The following ARFGEF3 variants were observed in gnomAD, a reference collection of about 807,000 sequenced individuals.
ARFGEF3 encodes ARFGEF family member 3.
A neutral mutation model predicts 221.7 loss-of-function variants in ARFGEF3; 96 were observed. That is an observed-to-expected ratio of 0.43 (90% CI 0.37 to 0.51). The LOEUF (loss-of-function observed/expected upper bound fraction) is 0.51, where lower values mean the gene tolerates loss of function less well. Ranked by LOEUF, ARFGEF3 falls within the 20% of genes least tolerant of loss-of-function variation. The pLI is 0.00. For missense variants in ARFGEF3, 2,410 were observed against 2,789.9 expected (o/e 0.86, Z 3.07); for synonymous variants, 1,145 against 1,126.8 (o/e 1.02, Z -0.32).
intron 2 of ARFGEF3, among the ~76,000 whole-genome samples, chr6:138,187,043 G>A (rs757036113): frequency 6.7e-6 from 1 of 149,828 alleles, no homozygotes; most frequent in Non-Finnish European, 1.5e-5. Context: ...AGCCTCCTGA[G>A]TAGCTGGGAT....
chr6:138,219,845 G>A (rs887015678), intron 4 of ARFGEF3, among the ~76,000 whole-genome samples: 2 of 152,096 alleles, frequency 1.3e-5, no homozygotes, highest in African/African-American at 2.4e-5. Context: ...TTAAAGAAGT[G>A]CTAGTAGTTT....
intron 12 of ARFGEF3, 63 bp downstream of exon 12, chr6:138,263,674 G>T: frequency 7.2e-7 from 1 of 1,382,410 alleles, no homozygotes; most frequent in Non-Finnish European, 9.8e-7. Flanking sequence ...GCCTTAATGG[G>T]CAATTACTAT....
At chr6:138,272,980 T>A (rs945841187) in intron 12 of ARFGEF3, among the ~76,000 whole-genome samples, 1 of 152,188 alleles carries the variant, frequency 6.6e-6, no homozygotes, top group Non-Finnish European at 1.5e-5. Context: ...AGCATTAAGA[T>A]CAAATAAATC....
intron 10 of ARFGEF3, among the ~76,000 whole-genome samples, 193 bp from the exon 11 acceptor site, chr6:138,261,334 T>C (rs1778789664): frequency 6.6e-6 from 1 of 152,226 alleles, no homozygotes. Context: ...GCCAGGAGCC[T>C]GATACACACC....
chr6:138,292,169 T>G (rs77971687), intron 19 of ARFGEF3, 116 bp downstream of exon 19: 128 of 857,660 alleles, frequency 1.5e-4, no homozygotes, highest in African/African-American at 1.1e-3. Context: ...CTTAAATCTC[T>G]TCCATCTTTT....
chr6:138,241,679 G>A (rs1295080815), intron 6 of ARFGEF3, among the ~76,000 whole-genome samples: 4 of 152,158 alleles, frequency 2.6e-5, no homozygotes, highest in South Asian at 2.1e-4. Context: ...GACATCATGG[G>A]CCACCTCAAA....
intron 4 of ARFGEF3, among the ~76,000 whole-genome samples, chr6:138,227,083 T>C (rs547222366): frequency 6.6e-6 from 1 of 152,160 alleles, no homozygotes; most frequent in East Asian, 1.9e-4. Context: ...TCTTTGACTA[T>C]TGGTGGCCAG....
At chr6:138,302,912 T>C (rs1175411800) in intron 22 of ARFGEF3, among the ~76,000 whole-genome samples, 1 of 152,148 alleles carries the variant, frequency 6.6e-6, no homozygotes, top group Admixed American at 6.5e-5. Context: ...CTGAAAGAAA[T>C]AACACAGACT....
At chr6:138,241,829 T>C (rs1778397907) in intron 6 of ARFGEF3, among the ~76,000 whole-genome samples, 1 of 152,278 alleles carries the variant, frequency 6.6e-6, no homozygotes. Flanking sequence ...TTTTGTATCG[T>C]CACAAATCCT....
chr6:138,204,294 C>T (rs924047808), intron 2 of ARFGEF3, among the ~76,000 whole-genome samples: 11 of 144,400 alleles, frequency 7.6e-5, no homozygotes, highest in Admixed American at 2.9e-4. Flanking sequence ...GCCGAGATCG[C>T]GCCATTGCAC....
intron 12 of ARFGEF3, among the ~76,000 whole-genome samples, chr6:138,267,766 T>C (rs1200996881): frequency 2.6e-5 from 4 of 152,274 alleles, no homozygotes; most frequent in Non-Finnish European, 4.4e-5. Context: ...CAATAAATGT[T>C]GCAGACTGCC....
intron 2 of ARFGEF3, among the ~76,000 whole-genome samples, chr6:138,185,720 T>C (rs1459909201): frequency 6.6e-6 from 1 of 152,214 alleles, no homozygotes; most frequent in Non-Finnish European, 1.5e-5. Flanking sequence ...AGCATGCAGA[T>C]GCATATTAGA....
Position 138,286,829 on chromosome 6 carries a change from A to T in ARFGEF3, c.2698A>T (p.Ile900Phe), listed in dbSNP as rs201554168. The T allele has an allele frequency of 3.1e-6, 5 of 1,614,040 alleles. No individual in the cohort carries two copies. Reference protein sequence around the residue: ...GLAFILGAEGIKEQNQKERDA... With the variant: ...GLAFILGAEGFKEQNQKERDA... ...GGCCTTCATTCTGGGAGCTGAAGGC[A>T]TCAAAGAGCAGAACCAGAAGGAGCG... The change falls in exon 16 of 34, where the codon ATC becomes TTC. Residue 900 changes from isoleucine (I) to phenylalanine (F), a missense_variant. By Grantham distance (21) the Ile-to-Phe change is conservative. Coordinates refer to ENST00000251691, the MANE Select transcript of ARFGEF3 (RefSeq NM_020340.5).
In ARFGEF3 at chr6:138,278,600, C is replaced by T. The variant is rs746175508; in HGVS notation, c.2278C>T (p.Leu760=). ...TGACTACTACAGGAAGCGGCCGACCCTGGCGCCAGGCGTGATGGTGAGTGT... is the reference window on the plus strand; with the variant it reads ...TGACTACTACAGGAAGCGGCCGACCTTGGCGCCAGGCGTGATGGTGAGTGT... The part of the protein sequence containing the change: ...HGDYYRKRPT[L]APGVMKDFMK... Residue 760 remains leucine, a synonymous_variant, in exon 13 of 34, where the codon CTG becomes TTG. Transcript: ENST00000251691. 1 of 1,613,934 alleles carries T rather than the reference C, an allele frequency of 6.2e-7. No individual in the cohort carries two copies.
intron 4 of ARFGEF3, among the ~76,000 whole-genome samples, chr6:138,221,987 T>C (rs1777990869): frequency 6.6e-6 from 1 of 152,196 alleles, no homozygotes; most frequent in African/African-American, 2.4e-5. Flanking sequence ...TAACAATGCA[T>C]TTTCTTAGGG....
At position 138,334,203 on chromosome 6, in the gene ARFGEF3, C is replaced by T; in HGVS notation, c.5357C>T (p.Thr1786Ile). The change falls in exon 33 of 34, where the codon ACC becomes ATC. Residue 1786 changes from threonine (T) to isoleucine (I), a missense_variant. By Grantham distance (89) the Thr-to-Ile change is moderately conservative. Coordinates refer to ENST00000251691, the MANE Select transcript of ARFGEF3 (RefSeq NM_020340.5). This position sits in a 1 kb window ranked among gnomAD's most constrained non-coding sequence, Gnocchi z 5.1. ...TATAGGACTGCCAGGGAGTTTGACACCAGCCCCGGGCTGAAGTGCCTGCTG... is the reference window on the plus strand; with the variant it reads ...TATAGGACTGCCAGGGAGTTTGACATCAGCCCCGGGCTGAAGTGCCTGCTG... ...DSYRTAREFD[T>I]SPGLKCLLKK... 6.2e-7 allele frequency: 1 copy of T among 1,613,848 alleles called. No individual in the cohort carries two copies. Among genetic ancestry groups the T allele is most frequent in the Non-Finnish European group, 8.5e-7 (1 of 1,179,864 alleles).
intron 4 of ARFGEF3, among the ~76,000 whole-genome samples, chr6:138,215,471 C>T (rs1777823838): frequency 6.6e-6 from 1 of 152,134 alleles, no homozygotes; most frequent in African/African-American, 2.4e-5. Context: ...GGAGAAATGA[C>T]AGGGGCTTAT....
intron 6 of ARFGEF3, among the ~76,000 whole-genome samples, chr6:138,241,586 G>A (rs1034940790): frequency 1.4e-4 from 22 of 152,272 alleles, no homozygotes; most frequent in African/African-American, 4.6e-4. Flanking sequence ...CACTTTTCCC[G>A]GGCGTGCCCT....
Position 138,340,765 on chromosome 6 carries a change from G to A in ARFGEF3, c.*4279G>A, listed in dbSNP as rs755161681. ...CAAAAGAGGTGTTTCTGAATTCAAG[G>A]GCCATACTCTCTCTCTGACAACATG... On this transcript the variant is annotated 3_prime_UTR_variant, in exon 34 of 34. Coordinates refer to ENST00000251691, the MANE Select transcript of ARFGEF3 (RefSeq NM_020340.5). 3 of 151,948 alleles carry A rather than the reference G, an allele frequency of 2.0e-5. No individual in the cohort carries two copies. The highest frequency in any genetic ancestry group is 4.4e-5 in the Non-Finnish European group (3 of 68,002). The allele number at this position is 151,948 out of a possible 1,614,324, so 9.4% of individuals were successfully genotyped here.
Sources: allele counts gnomAD v4.1 joint callset (sites outside exome capture counted in the v4.1 genomes callset), GRCh38; gene constraint gnomAD v4.1.1; non-coding constraint Gnocchi (gnomAD v3.1); transcripts MANE v1.5; gene names NCBI Gene and HGNC (gene_info 2026-07-23, HGNC 2026-07-21).